The following DLGAP2 variants were observed in gnomAD, a reference collection of about 807,000 sequenced individuals.
DLGAP2 encodes the protein DLG associated protein 2.
In DLGAP2, 26 loss-of-function variants were observed where a neutral mutation model predicts 100.3. That is an observed-to-expected ratio of 0.26 (90% confidence interval 0.19 to 0.36). The LOEUF (loss-of-function observed/expected upper bound fraction) is 0.36. DLGAP2 is among the 10% of genes least tolerant of loss of function. The pLI, the probability that DLGAP2 is intolerant of heterozygous loss-of-function variation, is 1.00. For synonymous variants in DLGAP2, 886 were observed against 630.1 expected (o/e 1.41, Z -6.08); for missense variants, 1,858 against 1,453.2 (o/e 1.28, Z -4.53).
At chr8:1,699,879 C>T (rs1280101655) in intron 14 of DLGAP2, among the ~76,000 whole-genome samples, 3 of 152,226 alleles carry the variant, frequency 2.0e-5, no homozygotes, top group Non-Finnish European at 4.4e-5. Flanking sequence ...ATCTCACAGG[C>T]TCACAGTTCA....
chr8:1,441,195 A>G (rs1797819686), intron 3 of DLGAP2, among the ~76,000 whole-genome samples: 1 of 152,212 alleles, frequency 6.6e-6, no homozygotes, highest in Admixed American at 6.5e-5. Context: ...TTCAGTGTTA[A>G]TCTTTTCATT....
chr8:982,468 C>T (rs1255088876), intron 2 of DLGAP2, among the ~76,000 whole-genome samples: 1 of 152,106 alleles, frequency 6.6e-6, no homozygotes, highest in African/African-American at 2.4e-5. Context: ...GTGCCTAGAC[C>T]CACAAAGGGC....
At chr8:1,663,397 C>A (rs911371051) in intron 8 of DLGAP2, among the ~76,000 whole-genome samples, 7 of 152,156 alleles carry the variant, frequency 4.6e-5, no homozygotes, top group Middle Eastern at 3.4e-3. Flanking sequence ...AGCGCCCTTA[C>A]TGTGCACCCG....
chr8:840,615 C>T (rs1312874091), intron 1 of DLGAP2, among the ~76,000 whole-genome samples: 1 of 98,214 alleles, frequency 1.0e-5, no homozygotes, highest in African/African-American at 3.3e-5. Context: ...TCTGCGAGCG[C>T]GTCCACACGG....
intron 1 of DLGAP2, among the ~76,000 whole-genome samples, chr8:791,924 C>T (rs563345500): frequency 1.4e-3 from 209 of 152,198 alleles, no homozygotes; most frequent in Non-Finnish European, 2.3e-3. Context: ...CCCCTAACGA[C>T]GTCGCATGTG....
Position 1,626,871 on chromosome 8 carries a change from C to A in DLGAP2, c.1574C>A (p.Ala525Asp). The A allele has an allele frequency of 1.2e-6, 2 of 1,603,634 alleles. No homozygotes were observed. The highest frequency in any genetic ancestry group is 8.5e-7 in the Non-Finnish European group (1 of 1,175,348). ...AGGGCCGTCAGCACCCTGAGCCAGG[C>A]CAGCTGCGTGAGCCAGGTCAGGGTC... ...YMRAVSTLSQ[A>D]SCVSQVSEAE... The change falls in exon 7 of 15, where the codon GCC (alanine) becomes GAC (aspartate). Residue 525 changes from alanine to aspartate, a missense_variant. By Grantham distance (126) the Ala-to-Asp change is moderately radical (BLOSUM62 -2). Coordinates refer to ENST00000637795, the MANE Select transcript of DLGAP2 (RefSeq NM_001346810.2).
At chr8:1,556,044 C>CG (rs1563219135) in intron 5 of DLGAP2, among the ~76,000 whole-genome samples, 3 of 152,254 alleles carry the variant, frequency 2.0e-5, no homozygotes, top group African/African-American at 7.2e-5. Flanking sequence ...CTACATGTAA[C>CG]TCAAGATGGT....
chr8:1,700,123 C>T (rs11136420), intron 14 of DLGAP2, among the ~76,000 whole-genome samples: 2,616 of 152,264 alleles, frequency 0.017, 79 homozygotes, highest in African/African-American at 0.059. Flanking sequence ...GACACCAAAG[C>T]AGGCTTCTTG....
chr8:1,161,982 C>G (rs1438482686), intron 2 of DLGAP2, among the ~76,000 whole-genome samples: 3 of 152,218 alleles, frequency 2.0e-5, no homozygotes, highest in Non-Finnish European at 4.4e-5. Flanking sequence ...GGCCTTCCTG[C>G]TAGAATGCAG....
At chr8:1,129,741 C>G (rs1428279518) in intron 2 of DLGAP2, among the ~76,000 whole-genome samples, 1 of 152,136 alleles carries the variant, frequency 6.6e-6, no homozygotes, top group Non-Finnish European at 1.5e-5. Context: ...CACATGTTAA[C>G]CTGAATCCTA....
intron 5 of DLGAP2, among the ~76,000 whole-genome samples, chr8:1,563,713 A>T (rs555136701): frequency 1.3e-5 from 2 of 152,050 alleles, no homozygotes; most frequent in African/African-American, 2.4e-5. Flanking sequence ...CCTGGGCTGC[A>T]ATGTGGAAGA....
intron 2 of DLGAP2, among the ~76,000 whole-genome samples, chr8:1,255,417 G>A (rs1450458028): frequency 1.4e-5 from 2 of 144,310 alleles, no homozygotes; most frequent in East Asian, 2.2e-4. Context: ...CCTGGGTGCT[G>A]TGTGTGTGTC....
At chr8:1,290,807 A>G (rs1236424660) in intron 3 of DLGAP2, among the ~76,000 whole-genome samples, 1 of 152,240 alleles carries the variant, frequency 6.6e-6, no homozygotes, top group Admixed American at 6.5e-5. Context: ...CTGTCAACAT[A>G]AACAATACTG....
intron 1 of DLGAP2, among the ~76,000 whole-genome samples, chr8:772,823 C>A (rs1055036322): frequency 3.3e-5 from 5 of 152,162 alleles, no homozygotes; most frequent in Non-Finnish European, 5.9e-5. Flanking sequence ...CTCTGCAAAT[C>A]ACTTCTTCCG....
intron 2 of DLGAP2, among the ~76,000 whole-genome samples, chr8:1,170,765 C>G (rs534168198): frequency 1.3e-5 from 2 of 149,928 alleles, no homozygotes; most frequent in East Asian, 1.9e-4. Context: ...CTATTTGATT[C>G]TTTTCTCTTT....
At chr8:1,586,808 G>C (rs567899208) in intron 6 of DLGAP2, among the ~76,000 whole-genome samples, 2 of 152,166 alleles carry the variant, frequency 1.3e-5, no homozygotes, top group Non-Finnish European at 2.9e-5. Flanking sequence ...AAATATTTGC[G>C]AATGCTCAAC....
chr8:771,952 G>C (rs1357925353), intron 1 of DLGAP2, among the ~76,000 whole-genome samples: 2 of 152,126 alleles, frequency 1.3e-5, no homozygotes, highest in Non-Finnish European at 2.9e-5. Context: ...CTCCAGGCTG[G>C]AGTGCAGTGG....
At chr8:1,634,825 C>G (rs953043863) in intron 8 of DLGAP2, among the ~76,000 whole-genome samples, 8 of 152,058 alleles carry the variant, frequency 5.3e-5, no homozygotes, top group Admixed American at 4.6e-4. Context: ...AGATAAGAAC[C>G]AGTTCTGAGC....
intron 3 of DLGAP2, among the ~76,000 whole-genome samples, chr8:1,354,331 C>T (rs926983418): frequency 1.3e-5 from 2 of 152,094 alleles, no homozygotes; most frequent in Non-Finnish European, 2.9e-5. Flanking sequence ...CATGGCAAAA[C>T]CCCATCTCTT....
Sources: gnomAD v4.1 joint callset for allele counts (sites outside exome capture counted in the v4.1 genomes callset) on GRCh38, gnomAD v4.1.1 for gene constraint, MANE v1.5 for transcripts, NCBI Gene and HGNC (gene_info 2026-07-23, HGNC 2026-07-21) for gene names.